DISP1: variants seen among roughly 807,000 people sequenced by gnomAD.
DISP1 encodes protein dispatched homolog 1.
Under a neutral mutation model 37.3 loss-of-function variants are expected in DISP1, and 30 were observed. The observed-to-expected ratio is 0.80, with a 90% confidence interval of 0.60 to 1.09. The LOEUF is 1.09. DISP1 is among the 50% of genes least tolerant of loss of function. The pLI is 0.00. For synonymous variants in DISP1, 634 were observed against 690.2 expected (o/e 0.92, Z 1.28); for missense variants, 1,598 against 1,879.5 (o/e 0.85, Z 2.77).
At chr1:222,870,928 T>A (rs1455695181) in intron 1 of DISP1, among the ~76,000 whole-genome samples, 3 of 152,136 alleles carry the variant, frequency 2.0e-5, no homozygotes, top group Non-Finnish European at 2.9e-5. Context: ...TTTTAGGTCT[T>A]ACATGTAAGT....
At chr1:222,866,376 A>C (rs979137247) in intron 1 of DISP1, among the ~76,000 whole-genome samples, 1 of 151,842 alleles carries the variant, frequency 6.6e-6, no homozygotes, top group Admixed American at 6.6e-5. Flanking sequence ...GCAGAGTCTC[A>C]CTGGGTCGCT....
At chr1:222,930,275 C>A (rs530886868) in intron 2 of DISP1, among the ~76,000 whole-genome samples, 33 of 152,196 alleles carry the variant, frequency 2.2e-4, no homozygotes, top group African/African-American at 7.5e-4. Flanking sequence ...TGATGGACAG[C>A]CTTGACATAC....
At chr1:222,969,413 A>G (rs1421782057) in intron 3 of DISP1, among the ~76,000 whole-genome samples, 2 of 150,872 alleles carry the variant, frequency 1.3e-5, no homozygotes, top group Admixed American at 6.6e-5. Flanking sequence ...CAAAGTGTTG[A>G]AAAAAAATTT....
In DISP1 at chr1:222,979,577, T is replaced by C. The variant is rs1572683822; in HGVS notation, c.510-3503T>C. Reference sequence around the variant, plus strand: ...AACTCATTGAAAAATCAATGTGTAATTGTATTTGAAAATACAGCTTTTGGG... The same window carrying C: ...AACTCATTGAAAAATCAATGTGTAACTGTATTTGAAAATACAGCTTTTGGG... On this transcript the variant is annotated intron_variant, in intron 3 of 8. Transcript: ENST00000675850. 6 of 471,038 alleles carry C rather than the reference T, an allele frequency of 1.3e-5. 1 individual carries two copies. The allele number at this position is 471,038 out of a possible 1,614,324, so 29.2% of individuals were successfully genotyped here.
intron 1 of DISP1, among the ~76,000 whole-genome samples, chr1:222,882,225 TAATC>T (rs1038107561): frequency 5.9e-5 from 9 of 152,218 alleles, no homozygotes; most frequent in African/African-American, 2.2e-4. Context: ...TGTTGTGAGA[TAATC>T]AAGAATAAAA....
chr1:222,817,974 G>A (rs900965007), intron 1 of DISP1, among the ~76,000 whole-genome samples: 1 of 152,176 alleles, frequency 6.6e-6, no homozygotes, highest in Non-Finnish European at 1.5e-5. Flanking sequence ...TTTGAGTGAG[G>A]CATCACATTA....
At chr1:222,955,118 G>A (rs1675502911) in intron 3 of DISP1, among the ~76,000 whole-genome samples, 1 of 148,356 alleles carries the variant, frequency 6.7e-6, no homozygotes, top group Non-Finnish European at 1.5e-5. Context: ...AAACAGTCTC[G>A]CTCTGTCGCC....
At chr1:222,902,571 T>G (rs1310990111) in intron 1 of DISP1, among the ~76,000 whole-genome samples, 2 of 151,998 alleles carry the variant, frequency 1.3e-5, no homozygotes, top group East Asian at 3.8e-4. Context: ...AAAGGGCTAA[T>G]ATCCAGAATC....
At chr1:222,856,676 G>A (rs1668563578) in intron 1 of DISP1, among the ~76,000 whole-genome samples, 1 of 151,316 alleles carries the variant, frequency 6.6e-6, no homozygotes, top group African/African-American at 2.4e-5. Flanking sequence ...GAGTTAACTG[G>A]ACAATATGTT....
chr1:222,858,521 A>G lies in DISP1; in HGVS notation c.-159+43443A>G, dbSNP rs567758925. On this transcript the variant is annotated intron_variant, in intron 1 of 8. Coordinates refer to ENST00000675850, the MANE Select transcript of DISP1 (RefSeq NM_001377229.1). Reference sequence around the variant, plus strand: ...AAAGAGCTTTTGCACAGCAAAAGAAAGTATCATCAGAGTGAACAGGCAACC... The same window carrying G: ...AAAGAGCTTTTGCACAGCAAAAGAAGGTATCATCAGAGTGAACAGGCAACC... 5.3e-5 allele frequency among the ~76,000 whole-genome samples: 8 copies of G among 152,324 alleles called. No homozygotes were observed. The East Asian group carries it at 1.5e-3, about 29-fold the overall frequency.
At chr1:222,898,229 A>G (rs1671377676) in intron 1 of DISP1, among the ~76,000 whole-genome samples, 1 of 152,204 alleles carries the variant, frequency 6.6e-6, no homozygotes, top group South Asian at 2.1e-4. Flanking sequence ...CAGATGTATT[A>G]TAAAAGTTGA....
chr1:222,999,414 G>A (rs1679289537), intron 8 of DISP1, among the ~76,000 whole-genome samples: 1 of 152,118 alleles, frequency 6.6e-6, no homozygotes, highest in Admixed American at 6.5e-5. Context: ...AGACATACCT[G>A]TTTTCCAGTC....
intron 2 of DISP1, among the ~76,000 whole-genome samples, chr1:222,936,786 A>ATAT (rs1673818458): frequency 1.9e-5 from 1 of 53,462 alleles, no homozygotes; most frequent in Non-Finnish European, 3.8e-5. Flanking sequence ...ATCATATATA[A>ATAT]TATATATAAT....
At chr1:222,910,837 G>A (rs568728368) in intron 1 of DISP1, among the ~76,000 whole-genome samples, 1 of 152,172 alleles carries the variant, frequency 6.6e-6, no homozygotes, top group Non-Finnish European at 1.5e-5. Context: ...AGAGCAATGT[G>A]AGCAAATTGC....
rs781483592 is a variant in DISP1, at chr1:223,005,864, G to T, written c.4467G>T (p.Val1489=). Residue 1489 remains valine, a synonymous_variant, in exon 9 of 9, where the codon GTG becomes GTT. Coordinates refer to ENST00000675850, the MANE Select transcript of DISP1 (RefSeq NM_001377229.1). ...NSQSCGRIVR[V]KCNSVDCQMP... ...AAAGTTGTGGCAGAATTGTGAGAGT[G>T]AAGTGCAATTCTGTGGACTGTCAAA... The T allele has an allele frequency of 5.6e-6, 9 of 1,614,092 alleles. No individual in the cohort carries two copies. The Admixed American group carries it at 1.3e-4, about 24-fold the overall frequency.
At chr1:222,946,096 G>A (rs35355763) in intron 3 of DISP1, among the ~76,000 whole-genome samples, 24,894 of 151,592 alleles carry the variant, frequency 0.16, 2,419 homozygotes, top group Non-Finnish European at 0.21. Context: ...AGCCTTGGCC[G>A]GGCGTGGTGG....
chr1:222,854,373 A>G (rs1479450497), intron 1 of DISP1, among the ~76,000 whole-genome samples: 1 of 152,098 alleles, frequency 6.6e-6, no homozygotes, highest in African/African-American at 2.4e-5. Context: ...GGCAGGAGGG[A>G]ATGAGTGCAA....
At chr1:222,911,352 T>A (rs72742238) in intron 1 of DISP1, among the ~76,000 whole-genome samples, 1 of 152,042 alleles carries the variant, frequency 6.6e-6, no homozygotes, top group African/African-American at 2.4e-5. Flanking sequence ...ACAAAGGGTA[T>A]CTTTGCACCA....
intron 1 of DISP1, among the ~76,000 whole-genome samples, chr1:222,849,370 T>C (rs1448787105): frequency 1.3e-5 from 2 of 152,146 alleles, no homozygotes; most frequent in Non-Finnish European, 2.9e-5. Context: ...ACTGAAACTC[T>C]GAGAAGAACG....
Sources: allele counts gnomAD v4.1 joint callset (sites outside exome capture counted in the v4.1 genomes callset), GRCh38; gene constraint gnomAD v4.1.1; transcripts MANE v1.5; gene names NCBI Gene and HGNC (gene_info 2026-07-23, HGNC 2026-07-21).